AUH: variants seen among roughly 807,000 people sequenced by gnomAD.
AUH encodes the protein methylglutaconyl-CoA hydratase, mitochondrial.
AUH carries 29 observed loss-of-function variants against 42.3 expected under a neutral mutation model. That is an observed-to-expected ratio of 0.69 (90% CI 0.51 to 0.93). The LOEUF (loss-of-function observed/expected upper bound fraction) is 0.93, where lower values mean the gene tolerates loss of function less well. Among genes scored for constraint, AUH ranks in the 40% least tolerant of loss-of-function variants. AUH has a pLI of 0.00. For missense variants in AUH, 452 were observed against 438.1 expected (o/e 1.03, Z -0.28); for synonymous variants, 174 against 166.4 (o/e 1.05, Z -0.35).
At chr9:91,357,410 TCA>T in intron 1 of AUH, 2 of 783,936 alleles carry the variant, frequency 2.6e-6, no homozygotes, top group Non-Finnish European at 3.1e-6. Flanking sequence ...TGTTCAAGCT[TCA>T]GTTTCCTCAG....
intron 6 of AUH, among the ~76,000 whole-genome samples, chr9:91,284,699 A>G (rs1169679456): frequency 2.0e-5 from 3 of 152,242 alleles, no homozygotes; most frequent in Admixed American, 1.3e-4. Context: ...CAGCCAACAG[A>G]CACATGAAAA....
intron 1 of AUH, among the ~76,000 whole-genome samples, 166 bp from the exon 2 acceptor site, chr9:91,356,321 C>T (rs866755617): frequency 6.6e-6 from 1 of 152,174 alleles, no homozygotes; most frequent in African/African-American, 2.4e-5. Context: ...TAATTTGCAA[C>T]ATTTTGGTAA....
intron 3 of AUH, among the ~76,000 whole-genome samples, chr9:91,328,513 T>C (rs1339901792): frequency 6.6e-6 from 1 of 151,978 alleles, no homozygotes; most frequent in African/African-American, 2.4e-5. Flanking sequence ...GTAAAGAGGG[T>C]ATAAAAGCCG....
At chr9:91,359,387 T>C (rs746411920) in intron 1 of AUH, among the ~76,000 whole-genome samples, 2 of 152,192 alleles carry the variant, frequency 1.3e-5, no homozygotes, top group Non-Finnish European at 2.9e-5. Flanking sequence ...TATTACCATT[T>C]GGCTTGTTGT....
intron 6 of AUH, among the ~76,000 whole-genome samples, chr9:91,227,631 A>C (rs1827590609): frequency 3.0e-5 from 4 of 133,070 alleles, no homozygotes; most frequent in African/African-American, 5.5e-5. Flanking sequence ...GTCTTGTGCC[A>C]GTTTTCAAAG....
At chr9:91,224,690 T>C (rs1032869915) in intron 6 of AUH, among the ~76,000 whole-genome samples, 1 of 152,210 alleles carries the variant, frequency 6.6e-6, no homozygotes, top group Non-Finnish European at 1.5e-5. Flanking sequence ...ATTACACAAA[T>C]ACATGATTTC....
intron 6 of AUH, among the ~76,000 whole-genome samples, chr9:91,223,165 A>T (rs573921340): frequency 6.6e-6 from 1 of 152,290 alleles, no homozygotes; most frequent in East Asian, 1.9e-4. Context: ...TGCAGAAGAG[A>T]GCTAACTTTC....
intron 9 of AUH, among the ~76,000 whole-genome samples, chr9:91,214,705 C>G (rs1025696159): frequency 1.3e-5 from 2 of 152,186 alleles, no homozygotes; most frequent in African/African-American, 4.8e-5. Context: ...CTATTTCTAT[C>G]TAAGCACTGC....
chr9:91,313,711 CA>C (rs775229436), intron 4 of AUH, among the ~76,000 whole-genome samples: 6,084 of 68,716 alleles, frequency 0.089, 88 homozygotes, highest in East Asian at 0.27. Context: ...GACTCCGTCT[CA>C]AAAAAAAAAA....
At chr9:91,257,203 T>G (rs890208081) in intron 6 of AUH, among the ~76,000 whole-genome samples, 1 of 152,156 alleles carries the variant, frequency 6.6e-6, no homozygotes, top group Non-Finnish European at 1.5e-5. Flanking sequence ...AGCAGTATTA[T>G]TACTAAAAGG....
At chr9:91,260,227 T>C (rs754417195) in intron 6 of AUH, among the ~76,000 whole-genome samples, 6 of 152,164 alleles carry the variant, frequency 3.9e-5, no homozygotes, top group Non-Finnish European at 8.8e-5. Context: ...TGTATGTTTA[T>C]GGTTAAAGTG....
intron 6 of AUH, among the ~76,000 whole-genome samples, chr9:91,267,583 C>G (rs1429581831): frequency 1.3e-5 from 2 of 152,112 alleles, no homozygotes; most frequent in Non-Finnish European, 2.9e-5. Context: ...AAGTGGAAAG[C>G]AAGTATGAAG....
chr9:91,331,833 T>C (rs1047772584), intron 3 of AUH, among the ~76,000 whole-genome samples: 32 of 152,238 alleles, frequency 2.1e-4, no homozygotes, highest in Non-Finnish European at 4.4e-5. Context: ...TGTTATGCAC[T>C]GCATGATGTC....
chr9:91,322,300 C>T (rs1051398469), intron 4 of AUH, among the ~76,000 whole-genome samples: 1 of 152,198 alleles, frequency 6.6e-6, no homozygotes, highest in African/African-American at 2.4e-5. Flanking sequence ...TGAAACCAAT[C>T]TTAGCCACCC....
intron 1 of AUH, chr9:91,357,539 A>C (rs971778927): frequency 4.3e-6 from 4 of 926,878 alleles, no homozygotes; most frequent in African/African-American, 1.8e-5. Flanking sequence ...AAACATTAAT[A>C]ATCATAGAAA....
intron 6 of AUH, among the ~76,000 whole-genome samples, chr9:91,222,779 A>G (rs1022334235): frequency 6.6e-6 from 1 of 152,212 alleles, no homozygotes; most frequent in Admixed American, 6.5e-5. Context: ...CTTAATGAAT[A>G]TATATTATTC....
chr9:91,299,055 C>T (rs1827575783), intron 4 of AUH, among the ~76,000 whole-genome samples: 1 of 151,880 alleles, frequency 6.6e-6, no homozygotes, highest in Non-Finnish European at 1.5e-5. Flanking sequence ...CTCATCTCTA[C>T]AAAAATACAA....
At chr9:91,288,116 T>C (rs1826562625) in intron 6 of AUH, among the ~76,000 whole-genome samples, 1 of 152,002 alleles carries the variant, frequency 6.6e-6, no homozygotes, top group South Asian at 2.1e-4. Flanking sequence ...ATCCCAGTGG[T>C]GTACACCCAA....
At chr9:91,232,799 T>C (rs1383845069) in intron 6 of AUH, among the ~76,000 whole-genome samples, 3 of 152,258 alleles carry the variant, frequency 2.0e-5, no homozygotes, top group Non-Finnish European at 4.4e-5. Flanking sequence ...AGGTTCTGCA[T>C]TTCTAATAGG....
Sources: gnomAD v4.1 joint callset for allele counts (sites outside exome capture counted in the v4.1 genomes callset) on GRCh38, gnomAD v4.1.1 for gene constraint, MANE v1.5 for transcripts, NCBI Gene and HGNC (gene_info 2026-07-23, HGNC 2026-07-21) for gene names.